The following PLEKHA6 variants were observed in gnomAD, a reference collection of about 807,000 sequenced individuals.
The protein encoded by PLEKHA6 is pleckstrin homology domain containing A6, also known as pleckstrin homology domain-containing family A member 6.
In PLEKHA6, 60 loss-of-function variants were observed where a neutral mutation model predicts 116.7. The ratio of observed to expected loss-of-function variants is 0.51; its 90% CI spans 0.42 to 0.64. The LOEUF (loss-of-function observed/expected upper bound fraction) is 0.64, where lower values mean the gene tolerates loss of function less well. PLEKHA6 is among the 30% of genes least tolerant of loss of function. The pLI, the probability that PLEKHA6 is intolerant of heterozygous loss-of-function variation, is 0.00. For missense variants in PLEKHA6, 1,338 were observed against 1,422.7 expected (o/e 0.94, Z 0.96); for synonymous variants, 489 against 556.1 (o/e 0.88, Z 1.70).
At chr1:204,309,600 T>C in intron 1 of PLEKHA6, 1 of 277,506 alleles carries the variant, frequency 3.6e-6, no homozygotes, top group Non-Finnish European at 5.5e-6. Flanking sequence ...ACGTACACTG[T>C]CATGTTCGCA....
intron 17 of PLEKHA6, among the ~76,000 whole-genome samples, chr1:204,234,979 TATATATATA>T (rs1661775840): frequency 1.3e-4 from 2 of 15,260 alleles, no homozygotes; most frequent in African/African-American, 9.9e-4. Context: ...TATATATATA[TATATATATA>T]TATATATATA....
In PLEKHA6 at chr1:204,372,043, G is replaced by T. The variant is rs373278040; in HGVS notation, c.84-437C>A. ...AAGTCAGGTGGGAAAAACAAGGAAG[G>T]TCCTTAACTGGCAGCTTCTCGAATG... On this transcript the variant is annotated intron_variant, in intron 1 of 4. Transcript: ENST00000564627. Among the ~76,000 whole-genome samples, 460 of 152,322 alleles carry T rather than the reference G, an allele frequency of 3.0e-3. 8 individuals are homozygous for T. In the South Asian group the frequency reaches 0.053, roughly 18 times the overall value.
intron 1 of PLEKHA6, among the ~76,000 whole-genome samples, chr1:204,291,041 C>G (rs1246195142): frequency 1.3e-5 from 2 of 150,012 alleles, no homozygotes; most frequent in African/African-American, 5.0e-5. Context: ...AAGCCATAAA[C>G]AGAGAAAATA....
intron 15 of PLEKHA6, among the ~76,000 whole-genome samples, chr1:204,244,036 T>C (rs536116868): frequency 2.3e-4 from 35 of 151,852 alleles, no homozygotes; most frequent in Non-Finnish European, 4.6e-4. Flanking sequence ...TTAGCCAGGA[T>C]GGTCTTGATC....
intron 9 of PLEKHA6, 89 bp from the exon 10 acceptor site, chr1:204,250,703 C>T (rs983353359): frequency 1.1e-6 from 1 of 883,400 alleles, no homozygotes; most frequent in Non-Finnish European, 1.9e-6. Flanking sequence ...CGCTGTGCTC[C>T]TGCCAGAGAC....
At chr1:204,290,249 T>A (rs932617270) in intron 1 of PLEKHA6, among the ~76,000 whole-genome samples, 6 of 152,218 alleles carry the variant, frequency 3.9e-5, no homozygotes, top group African/African-American at 1.4e-4. Context: ...GAAGAATAGG[T>A]TTGGAGGATT....
At chr1:204,323,318 CATCTT>C (rs1011495137) in intron 1 of PLEKHA6, among the ~76,000 whole-genome samples, 2 of 152,364 alleles carry the variant, frequency 1.3e-5, no homozygotes, top group Admixed American at 1.3e-4. Flanking sequence ...ATCGTTATCT[CATCTT>C]ATCTCCGCAG....
intron 9 of PLEKHA6, among the ~76,000 whole-genome samples, chr1:204,255,358 C>T (rs559911525): frequency 6.6e-6 from 1 of 152,346 alleles, no homozygotes; most frequent in African/African-American, 2.4e-5. Flanking sequence ...GCAGTTCCAT[C>T]TGAGCTGAGC....
intron 21 of PLEKHA6, among the ~76,000 whole-genome samples, chr1:204,224,433 C>T (rs1449238705): frequency 6.6e-6 from 1 of 151,498 alleles, no homozygotes; most frequent in East Asian, 1.9e-4. Flanking sequence ...AGACCTCAGC[C>T]AGTGTCACAC....
At chr1:204,243,007 G>C in intron 15 of PLEKHA6, 1 of 399,016 alleles carries the variant, frequency 2.5e-6, no homozygotes, top group East Asian at 3.6e-5. Flanking sequence ...CCGACCTTTG[G>C]GAAAATTAAT....
upstream of PLEKHA6, among the ~76,000 whole-genome samples, chr1:204,363,810 C>G (rs1175629404): frequency 6.6e-6 from 1 of 152,060 alleles, no homozygotes; most frequent in East Asian, 1.9e-4. Flanking sequence ...CCCCTGAAAG[C>G]CTTGTGGGGC....
chr1:204,326,553 A>C (rs2103249884), intron 1 of PLEKHA6, among the ~76,000 whole-genome samples: 1 of 152,214 alleles, frequency 6.6e-6, no homozygotes, highest in East Asian at 1.9e-4. Context: ...CAAAAGAGAA[A>C]GAAGAGAACC....
intron 6 of PLEKHA6, among the ~76,000 whole-genome samples, chr1:204,263,417 C>A (rs914543808): frequency 6.6e-6 from 1 of 152,126 alleles, no homozygotes; most frequent in Non-Finnish European, 1.5e-5. Flanking sequence ...CGCTCGGTGG[C>A]CACAACAGGA....
In PLEKHA6 at chr1:204,259,861, G is replaced by T; in HGVS notation, c.525-121C>A. On this transcript the variant is annotated intron_variant, in intron 7 of 22. Transcript: ENST00000272203. This position sits in a 1 kb window ranked among gnomAD's most constrained non-coding sequence, Gnocchi z 4.6. ...TGGGCAGGGAGGTGGCTGGAACCAG[G>T]ATTCTATGAACTCCAGTTCTGCTTC... 9.5e-7 allele frequency: 1 copy of T among 1,048,282 alleles called. No homozygotes were observed. The highest frequency in any genetic ancestry group is 2.6e-5 in the East Asian group (1 of 39,066). The allele number at this position is 1,048,282 out of a possible 1,614,324, so 64.9% of individuals were successfully genotyped here.
chr1:204,230,386 G>T, intron 18 of PLEKHA6, 27 bp downstream of exon 18: 2 of 1,537,742 alleles, frequency 1.3e-6, no homozygotes, highest in South Asian at 1.2e-5. Flanking sequence ...CCAGGCTCAC[G>T]CCTGTGGGTA....
At chr1:204,331,253 G>A (rs1162649450) in intron 1 of PLEKHA6, among the ~76,000 whole-genome samples, 1 of 150,676 alleles carries the variant, frequency 6.6e-6, no homozygotes, top group Non-Finnish European at 1.5e-5. Flanking sequence ...AGCACCTGCA[G>A]CAACTGATCA....
At chr1:204,371,103 C>T (rs1364250277) in intron 2 of PLEKHA6, among the ~76,000 whole-genome samples, 2 of 146,662 alleles carry the variant, frequency 1.4e-5, no homozygotes, top group African/African-American at 5.1e-5. Context: ...ATGCTTGTAA[C>T]ATTTCAGTTG....
At chr1:204,271,936 A>C (rs967902877) in intron 3 of PLEKHA6, among the ~76,000 whole-genome samples, 2 of 152,136 alleles carry the variant, frequency 1.3e-5, no homozygotes, top group East Asian at 1.9e-4. Context: ...TTTAGAGTAC[A>C]TGTGCACAAC....
chr1:204,335,215 C>T lies in PLEKHA6; in HGVS notation c.-95+24479G>A, dbSNP rs572125641. Among the ~76,000 whole-genome samples the T allele has an allele frequency of 3.9e-5, 6 of 152,204 alleles. No homozygotes were observed. The South Asian group carries it at 8.3e-4, about 21-fold the overall frequency. ...AACCTGCAGATAACAAACCCCTGCCCCCACCACTTCCCCCCACACACATAC... is the reference window on the plus strand; with the variant it reads ...AACCTGCAGATAACAAACCCCTGCCTCCACCACTTCCCCCCACACACATAC... On this transcript the variant is annotated intron_variant, in intron 1 of 22. Coordinates refer to ENST00000272203, the MANE Select transcript of PLEKHA6 (RefSeq NM_014935.5).
Sources: gnomAD v4.1 joint callset for allele counts (sites outside exome capture counted in the v4.1 genomes callset) on GRCh38, gnomAD v4.1.1 for gene constraint, Gnocchi (gnomAD v3.1) non-coding constraint, MANE v1.5 for transcripts, NCBI Gene and HGNC (gene_info 2026-07-23, HGNC 2026-07-21) for gene names.